LRP1B: variants seen among roughly 807,000 people sequenced by gnomAD.
The protein encoded by LRP1B is LDL receptor related protein 1B.
A neutral mutation model predicts 556.6 loss-of-function variants in LRP1B; 217 were observed. That is an observed-to-expected ratio of 0.39 (90% CI 0.35 to 0.44). The LOEUF is 0.44. Ranked by LOEUF, LRP1B falls within the 20% of genes least tolerant of loss-of-function variation. LRP1B has a pLI of 1.00. For synonymous variants in LRP1B, 2,047 were observed against 1,865.8 expected, an observed-to-expected ratio of 1.10 and a Z score of -2.50; for missense variants, 5,053 against 5,620.8, an observed-to-expected ratio of 0.90 and a Z score of 3.23.
Position 140,850,078 on chromosome 2 carries a change from T to G in LRP1B, c.4939+24A>C. ...AACTGAATAACAAACACTTTTAAAG[T>G]TGTAACATGTACGAATCTTTTACCT... On this transcript the variant is annotated intron_variant, in intron 29 of 90. Coordinates refer to ENST00000389484, the MANE Select transcript of LRP1B (RefSeq NM_018557.3). The G allele has an allele frequency of 2.1e-6, 3 of 1,413,902 alleles. No homozygotes were observed. In the South Asian group the frequency reaches 3.5e-5, roughly 17 times the overall value. 87.6% of individuals were successfully genotyped at this position (1,413,902 alleles called of 1,614,324 possible). A position where few individuals can be genotyped will look rare whatever the true frequency, so the allele number is the denominator to read the frequency against.
chr2:140,833,778 G>T (rs1167499539), intron 31 of LRP1B, among the ~76,000 whole-genome samples: 1 of 152,060 alleles, frequency 6.6e-6, no homozygotes, highest in Non-Finnish European at 1.5e-5. Context: ...GAGTCAGCTG[G>T]TGAACGAACA....
chr2:141,895,163 G>T (rs1239111977), intron 1 of LRP1B, among the ~76,000 whole-genome samples: 2 of 151,576 alleles, frequency 1.3e-5, no homozygotes, highest in African/African-American at 4.8e-5. Context: ...TAAATGAAAT[G>T]AAGTAAACAT....
In LRP1B at chr2:140,232,362, G is replaced by T. The variant is rs1680510545; in HGVS notation, c.*824C>A. ...CTGGGAAGAAATACCTAAGATGCAA[G>T]TACCCAATGCCCTGTTGTGCTCTAG... On this transcript the variant is annotated 3_prime_UTR_variant, in exon 91 of 91. Transcript: ENST00000389484. 6.6e-6 allele frequency: 1 copy of T among 151,406 alleles called. No individual in the cohort carries two copies. Among genetic ancestry groups the T allele is most frequent in the African/African-American group, 2.4e-5 (1 of 41,296 alleles). The allele number at this position is 151,406 out of a possible 1,614,324, so 9.4% of individuals were successfully genotyped here. A position where few individuals can be genotyped will look rare whatever the true frequency, so the allele number is the denominator to read the frequency against.
rs981812233 is a variant in LRP1B, at chr2:140,413,884, T to C, written c.10415-27875A>G. On this transcript the variant is annotated intron_variant, in intron 66 of 90. Transcript: ENST00000389484. ...GTTTTTATTTTACTCTCTTAAAAGATAGTTCATATCTTTTTTTCCAGAAAT... is the reference window on the plus strand; with the variant it reads ...GTTTTTATTTTACTCTCTTAAAAGACAGTTCATATCTTTTTTTCCAGAAAT... Among the ~76,000 whole-genome samples, 22 of 152,072 alleles carry C rather than the reference T, an allele frequency of 1.4e-4. 1 individual carries two copies. Among genetic ancestry groups the C allele is most frequent in the Admixed American group, 1.2e-3 (18 of 15,274 alleles).
chr2:141,806,273 T>C (rs956609012), intron 2 of LRP1B, among the ~76,000 whole-genome samples: 2 of 152,074 alleles, frequency 1.3e-5, no homozygotes, highest in African/African-American at 4.8e-5. Context: ...ACTTTCACTA[T>C]TTATTTTCAT....
intron 43 of LRP1B, among the ~76,000 whole-genome samples, chr2:140,567,429 C>T (rs1681167959): frequency 6.6e-6 from 1 of 152,150 alleles, no homozygotes; most frequent in South Asian, 2.1e-4. Context: ...GCTCCTCACG[C>T]CCAAACCTCC....
At position 141,614,080 on chromosome 2, in the gene LRP1B, C is replaced by CAGAAAAAAAAAAAAAAAAAAAAA. The variant is rs1553543025; in HGVS notation, c.206-133548_206-133547insTTTTTTTTTTTTTTTTTTTTTCT. On this transcript the variant is annotated intron_variant, in intron 2 of 90. Transcript: ENST00000389484. ...GGGCGATAAGAGCAAAACTCAGCCT[C>CAGAAAAAAAAAAAAAAAAAAAAA]AAAAAAAAAAAAAAAAAAAAAGAAA... 9.5e-4 allele frequency among the ~76,000 whole-genome samples: 45 copies of CAGAAAAAAAAAAAAAAAAAAAAA among 47,346 alleles called. 4 individuals carry two copies. The highest frequency in any genetic ancestry group is 5.8e-3 in the South Asian group (5 of 864). 31.1% of individuals were successfully genotyped at this position (47,346 alleles called of 152,430 possible). A position where few individuals can be genotyped will look rare whatever the true frequency, so the allele number is the denominator to read the frequency against.
chr2:141,694,264 G>A (rs1257481288), intron 2 of LRP1B, among the ~76,000 whole-genome samples: 2 of 151,974 alleles, frequency 1.3e-5, no homozygotes, highest in Non-Finnish European at 2.9e-5. Flanking sequence ...GAAAAGGCTG[G>A]GCCTTGGGAG....
At chr2:141,573,429 G>T (rs182102296) in intron 2 of LRP1B, among the ~76,000 whole-genome samples, 296 of 152,160 alleles carry the variant, frequency 1.9e-3, no homozygotes, top group African/African-American at 6.8e-3. Flanking sequence ...AGAATTTCTG[G>T]TACACAGCTA....
rs576515212 is a variant in LRP1B, at chr2:140,769,829, G to T, written c.5627-485C>A. ...CACTGATACTTTTAATAGACATTTA[G>T]ATTTCTTAAGAAATTTTTGAAGTTA... is the stretch of plus-strand genomic sequence containing the variant. On this transcript the variant is annotated intron_variant, in intron 34 of 90. Coordinates refer to ENST00000389484, the MANE Select transcript of LRP1B (RefSeq NM_018557.3). Among the ~76,000 whole-genome samples the T allele has an allele frequency of 5.4e-3, 173 of 32,292 alleles. 1 individual carries two copies. Among genetic ancestry groups the T allele is most frequent in the Non-Finnish European group, 0.013 (151 of 11,552 alleles). The allele number at this position is 32,292 out of a possible 152,430, so 21.2% of individuals were successfully genotyped here.
intron 6 of LRP1B, among the ~76,000 whole-genome samples, chr2:141,220,286 T>C (rs1682983643): frequency 6.6e-6 from 1 of 151,948 alleles, no homozygotes; most frequent in Non-Finnish European, 1.5e-5. Flanking sequence ...CAACCACAAG[T>C]ATCAACAGCC....
chr2:140,682,645 GAC>G (rs1236767589), intron 41 of LRP1B, among the ~76,000 whole-genome samples: 3 of 150,970 alleles, frequency 2.0e-5, no homozygotes, highest in African/African-American at 7.3e-5. Flanking sequence ...GGAACTGGAA[GAC>G]ACACTTTTCT....
At chr2:141,077,781 A>C (rs1444459801) in intron 7 of LRP1B, among the ~76,000 whole-genome samples, 1 of 152,178 alleles carries the variant, frequency 6.6e-6, no homozygotes, top group African/African-American at 2.4e-5. Context: ...CAAGTGCCTA[A>C]GGCAATTTCT....
chr2:140,495,036 T>A (rs780788448), intron 56 of LRP1B, among the ~76,000 whole-genome samples: 11 of 152,116 alleles, frequency 7.2e-5, no homozygotes, highest in Non-Finnish European at 1.5e-5. Flanking sequence ...AAATGTATAA[T>A]TTACAGGATC....
intron 7 of LRP1B, among the ~76,000 whole-genome samples, chr2:141,125,263 A>G (rs1418605980): frequency 6.6e-6 from 1 of 152,178 alleles, no homozygotes; most frequent in African/African-American, 2.4e-5. Context: ...ACCCCTTCAA[A>G]CCAGCAGGTT....
intron 1 of LRP1B, among the ~76,000 whole-genome samples, chr2:142,045,678 A>G (rs146196980): frequency 2.2e-4 from 34 of 152,014 alleles, no homozygotes; most frequent in African/African-American, 8.2e-4. Flanking sequence ...CGTAATACAT[A>G]CTTTGTTTGC....
chr2:141,130,426 A>C (rs1232331364), intron 7 of LRP1B, among the ~76,000 whole-genome samples: 2 of 152,132 alleles, frequency 1.3e-5, no homozygotes, highest in Non-Finnish European at 2.9e-5. Flanking sequence ...TAACACAGAC[A>C]TTTGACATGA....
chr2:141,580,445 C>G (rs553727070), intron 2 of LRP1B, among the ~76,000 whole-genome samples: 1 of 152,208 alleles, frequency 6.6e-6, no homozygotes, highest in South Asian at 2.1e-4. Context: ...GCATTTTTGT[C>G]CTTGTTACCA....
chr2:140,748,795 TATAC>T lies in LRP1B; in HGVS notation c.5758+20414_5758+20417del, dbSNP rs200221537. Among the ~76,000 whole-genome samples, 7 of 32,754 alleles carry T rather than the reference TATAC, an allele frequency of 2.1e-4. 1 individual carries two copies. Among genetic ancestry groups the T allele is most frequent in the East Asian group, 1.3e-3 (1 of 786 alleles). The allele number at this position is 32,754 out of a possible 152,430, so 21.5% of individuals were successfully genotyped here. ...TATAATATGTATATAATATATATTA[TATAC>T]ATATTATATACATGTATATAATATA... is the stretch of plus-strand genomic sequence containing the variant. On this transcript the variant is annotated intron_variant, in intron 35 of 90. Coordinates refer to ENST00000389484, the MANE Select transcript of LRP1B (RefSeq NM_018557.3).
Sources: gnomAD v4.1 joint callset for allele counts (sites outside exome capture counted in the v4.1 genomes callset) on GRCh38, gnomAD v4.1.1 for gene constraint, MANE v1.5 for transcripts, NCBI Gene and HGNC (gene_info 2026-07-23, HGNC 2026-07-21) for gene names.